The following ANO2 variants were observed in gnomAD, a reference collection of about 807,000 sequenced individuals.
ANO2 encodes anoctamin 2.
ANO2 carries 101 observed loss-of-function variants against 124.2 expected under a neutral mutation model. The ratio of observed to expected loss-of-function variants is 0.81; its 90% CI spans 0.69 to 0.96. The LOEUF is 0.96. Among genes scored for constraint, ANO2 ranks in the 40% least tolerant of loss-of-function variants. ANO2 has a pLI of 0.00. For missense variants in ANO2, 1,293 were observed against 1,274.5 expected (o/e 1.01, Z -0.22); for synonymous variants, 486 against 482.5 (o/e 1.01, Z -0.09).
chr12:5,894,437 G>A (rs1939631340), intron 3 of ANO2, among the ~76,000 whole-genome samples: 1 of 152,088 alleles, frequency 6.6e-6, no homozygotes, highest in African/African-American at 2.4e-5. Flanking sequence ...CATTCTGTAG[G>A]TTGCCTGTTC....
chr12:5,867,441 C>CTT (rs1955455679), intron 3 of ANO2, among the ~76,000 whole-genome samples: 1 of 152,154 alleles, frequency 6.6e-6, no homozygotes, highest in African/African-American at 2.4e-5. Flanking sequence ...GTGAGAGACA[C>CTT]CAAACATGCT....
intron 9 of ANO2, among the ~76,000 whole-genome samples, chr12:5,799,956 C>A (rs1417240930): frequency 6.6e-6 from 1 of 152,360 alleles, no homozygotes; most frequent in South Asian, 2.1e-4. Flanking sequence ...CCACAGTCTG[C>A]TTACACCCTG....
Position 5,647,813 on chromosome 12 carries a change from C to T in ANO2, c.1546-12G>A, listed in dbSNP as rs116553292. ...TTATCTTCATCATCCTGGGGAGAAA[C>T]GGGAGAGTAGAGACAATCAGGAGGC... On this transcript the variant is annotated splice_polypyrimidine_tract_variant and intron_variant, in intron 14 of 24. Coordinates refer to ENST00000682330, the MANE Select transcript of ANO2 (RefSeq NM_001364791.2). The T allele has an allele frequency of 2.4e-5, 39 of 1,602,440 alleles. No homozygotes were observed. The highest frequency in any genetic ancestry group is 3.2e-5 in the Non-Finnish European group (37 of 1,173,326).
intron 1 of ANO2, among the ~76,000 whole-genome samples, chr12:5,929,536 T>C (rs1298125181): frequency 3.2e-5 from 3 of 92,932 alleles, no homozygotes; most frequent in African/African-American, 4.7e-5. Flanking sequence ...TTACCAGTCT[T>C]CCTTCCTTAC....
chr12:5,793,995 T>C (rs145032204), intron 10 of ANO2, among the ~76,000 whole-genome samples: 6 of 152,274 alleles, frequency 3.9e-5, no homozygotes, highest in African/African-American at 1.4e-4. Flanking sequence ...GCATGACTTA[T>C]ATCCTGATCT....
chr12:5,936,152 T>C (rs1342396054), intron 1 of ANO2, among the ~76,000 whole-genome samples: 3 of 152,236 alleles, frequency 2.0e-5, no homozygotes, highest in African/African-American at 4.8e-5. Flanking sequence ...TTGTCTGATA[T>C]ATGACTCACA....
chr12:5,847,315 C>T (rs1489994806), intron 4 of ANO2, among the ~76,000 whole-genome samples: 3 of 152,170 alleles, frequency 2.0e-5, no homozygotes, highest in African/African-American at 7.2e-5. Flanking sequence ...CATTGGCTTT[C>T]CTAGTTCTCA....
intron 3 of ANO2, among the ~76,000 whole-genome samples, chr12:5,866,698 A>G (rs1396527663): frequency 6.6e-6 from 1 of 152,228 alleles, no homozygotes; most frequent in Non-Finnish European, 1.5e-5. Flanking sequence ...CTGAAACTGA[A>G]TGGAGCCTGG....
At chr12:5,745,979 C>G (rs1233506997) in intron 11 of ANO2, among the ~76,000 whole-genome samples, 1 of 152,200 alleles carries the variant, frequency 6.6e-6, no homozygotes, top group Non-Finnish European at 1.5e-5. Context: ...CAGATTTACA[C>G]AGAAAATCAC....
chr12:5,941,514 C>T (rs980978780), intron 1 of ANO2, among the ~76,000 whole-genome samples: 7 of 148,958 alleles, frequency 4.7e-5, no homozygotes, highest in Non-Finnish European at 8.9e-5. Context: ...TGGAGTTCCA[C>T]AAAAAGAAGA....
At chr12:5,846,531 T>C (rs1167454142) in intron 4 of ANO2, among the ~76,000 whole-genome samples, 1 of 152,240 alleles carries the variant, frequency 6.6e-6, no homozygotes, top group Non-Finnish European at 1.5e-5. Context: ...AGTTTCATAG[T>C]GCTGCCATAA....
At chr12:5,877,295 C>T (rs1461870902) in intron 3 of ANO2, among the ~76,000 whole-genome samples, 1 of 152,140 alleles carries the variant, frequency 6.6e-6, no homozygotes, top group East Asian at 1.9e-4. Flanking sequence ...TGCCAGTAGC[C>T]ATAGGAAGCG....
At chr12:5,607,971 A>G (rs1201457096) in intron 19 of ANO2, among the ~76,000 whole-genome samples, 1 of 151,960 alleles carries the variant, frequency 6.6e-6, no homozygotes, top group African/African-American at 2.4e-5. Flanking sequence ...TCATCCCAAA[A>G]TCACACCCCA....
intron 14 of ANO2, among the ~76,000 whole-genome samples, chr12:5,689,202 C>T (rs962988226): frequency 6.6e-6 from 1 of 151,976 alleles, no homozygotes; most frequent in African/African-American, 2.4e-5. Flanking sequence ...AGGTTGGTAC[C>T]AAAAGCAAGG....
At position 5,563,794 on chromosome 12, in the gene ANO2, G is replaced by A. The variant is rs112221309; in HGVS notation, c.2728-226C>T. On this transcript the variant is annotated intron_variant, in intron 24 of 24. Coordinates refer to ENST00000682330, the MANE Select transcript of ANO2 (RefSeq NM_001364791.2). ...AGGATGAAACGGGTTCATACATGTG[G>A]AGCATCTGCCGCAGTGCCTGGCACA... Among the ~76,000 whole-genome samples, 1,357 of 152,304 alleles carry A rather than the reference G, an allele frequency of 8.9e-3. 5 individuals carry two copies. Among genetic ancestry groups the A allele is most frequent in the Middle Eastern group, 0.027 (8 of 294 alleles).
At chr12:5,816,324 A>T (rs1037325053) in intron 7 of ANO2, among the ~76,000 whole-genome samples, 1 of 150,446 alleles carries the variant, frequency 6.6e-6, no homozygotes. Flanking sequence ...CACATTCCTC[A>T]TTTTTTTTTT....
At chr12:5,576,406 A>G (rs1942414086) in intron 22 of ANO2, among the ~76,000 whole-genome samples, 1 of 152,232 alleles carries the variant, frequency 6.6e-6, no homozygotes, top group South Asian at 2.1e-4. Context: ...TGTAATGGGC[A>G]AGGAAATGGA....
chr12:5,786,605 A>T (rs143540940), intron 10 of ANO2, among the ~76,000 whole-genome samples: 1 of 152,248 alleles, frequency 6.6e-6, no homozygotes, highest in African/African-American at 2.4e-5. Context: ...TCACTTAAGG[A>T]AACAGGGCTG....
At chr12:5,785,023 A>C (rs1952501367) in intron 10 of ANO2, among the ~76,000 whole-genome samples, 1 of 152,174 alleles carries the variant, frequency 6.6e-6, no homozygotes, top group African/African-American at 2.4e-5. Flanking sequence ...GCAAGAGCAT[A>C]AACAACCTTC....
Sources: allele counts gnomAD v4.1 joint callset (sites outside exome capture counted in the v4.1 genomes callset), GRCh38; gene constraint gnomAD v4.1.1; transcripts MANE v1.5; gene names NCBI Gene and HGNC (gene_info 2026-07-23, HGNC 2026-07-21).